CFAP95: variants seen among roughly 807,000 people sequenced by gnomAD.
The protein encoded by CFAP95 is cilia- and flagella-associated protein 95.
At chr9:69,897,894 T>C in the CFAP95 span, among the ~76,000 whole-genome samples, 4 of 152,176 alleles carry the variant, frequency 2.6e-5, no homozygotes, top group Non-Finnish European at 5.9e-5. Context: ...TGCCATGATC[T>C]GAGGAAGAAG....
the CFAP95 span, among the ~76,000 whole-genome samples, chr9:69,829,058 G>T: frequency 6.6e-6 from 1 of 152,138 alleles, no homozygotes; most frequent in African/African-American, 2.4e-5. Context: ...TGGGTAAAAA[G>T]GATGATGTTA....
chr9:69,880,327 G>T, the CFAP95 span, among the ~76,000 whole-genome samples: 1 of 151,852 alleles, frequency 6.6e-6, no homozygotes, highest in East Asian at 1.9e-4. Flanking sequence ...CCATCCTCTG[G>T]TAACCATCCT....
At chr9:69,845,287 C>T in the CFAP95 span, among the ~76,000 whole-genome samples, 1 of 152,146 alleles carries the variant, frequency 6.6e-6, no homozygotes, top group Non-Finnish European at 1.5e-5. Flanking sequence ...AAGAGCTCAA[C>T]AACTAGGAGA....
At chr9:69,844,808 A>G in the CFAP95 span, among the ~76,000 whole-genome samples, 2 of 152,188 alleles carry the variant, frequency 1.3e-5, no homozygotes, top group African/African-American at 4.8e-5. Context: ...TCACAAAGTG[A>G]TTGGGCGAAT....
At chr9:69,898,846 A>G in the CFAP95 span, among the ~76,000 whole-genome samples, 1 of 152,190 alleles carries the variant, frequency 6.6e-6, no homozygotes, top group East Asian at 1.9e-4. Flanking sequence ...AAAAATGTCT[A>G]AAATGTGACT....
the CFAP95 span, among the ~76,000 whole-genome samples, chr9:69,863,047 A>C: frequency 6.6e-6 from 1 of 152,262 alleles, no homozygotes; most frequent in Non-Finnish European, 1.5e-5. Flanking sequence ...GGGAACAGTT[A>C]AGATGACACT....
the CFAP95 span, among the ~76,000 whole-genome samples, chr9:69,898,485 A>T: frequency 6.6e-6 from 1 of 152,210 alleles, no homozygotes; most frequent in Admixed American, 6.5e-5. Context: ...AGTTTCAAAA[A>T]TGGCACAAGG....
the CFAP95 span, among the ~76,000 whole-genome samples, chr9:69,823,223 C>A: frequency 3.9e-5 from 6 of 152,162 alleles, no homozygotes; most frequent in African/African-American, 1.4e-4. Flanking sequence ...GCTGATAAAA[C>A]CATCAAATCT....
chr9:69,866,999 G>C, the CFAP95 span, among the ~76,000 whole-genome samples: 2 of 152,142 alleles, frequency 1.3e-5, no homozygotes, highest in Admixed American at 1.3e-4. Flanking sequence ...ATTAATTGCG[G>C]AGTCAACCTA....
chr9:69,900,603 A>G, the CFAP95 span, among the ~76,000 whole-genome samples: 1 of 152,144 alleles, frequency 6.6e-6, no homozygotes, highest in African/African-American at 2.4e-5. Context: ...ATTCCCATAG[A>G]CACTGTACAC....
chr9:69,880,319 A>C, the CFAP95 span, among the ~76,000 whole-genome samples: 2 of 151,942 alleles, frequency 1.3e-5, no homozygotes, highest in East Asian at 3.9e-4. Context: ...TATCCTTCCC[A>C]TCCTCTGGTA....
the CFAP95 span, among the ~76,000 whole-genome samples, chr9:69,826,983 A>G: frequency 1.3e-5 from 2 of 152,206 alleles, no homozygotes; most frequent in African/African-American, 4.8e-5. Context: ...CATGCTCTTG[A>G]TGCAATAGCA....
chr9:69,839,996 G>A, the CFAP95 span, among the ~76,000 whole-genome samples: 1 of 151,402 alleles, frequency 6.6e-6, no homozygotes, highest in Non-Finnish European at 1.5e-5. Flanking sequence ...AGAATCGCTT[G>A]AACCCAGGAG....
At chr9:69,873,292 C>G in the CFAP95 span, among the ~76,000 whole-genome samples, 4 of 151,996 alleles carry the variant, frequency 2.6e-5, no homozygotes, top group African/African-American at 7.3e-5. Flanking sequence ...ATCCTGTCTC[C>G]AATAAATAAG....
the CFAP95 span, among the ~76,000 whole-genome samples, chr9:69,869,754 C>T: frequency 2.6e-5 from 4 of 151,780 alleles, no homozygotes; most frequent in South Asian, 8.3e-4. Flanking sequence ...AAAAAAAACC[C>T]CAAATTGAGT....
chr9:69,820,955 T>G, the CFAP95 span: 1 of 1,614,070 alleles, frequency 6.2e-7, no homozygotes, highest in African/African-American at 1.3e-5. Context: ...ACCACCGGAC[T>G]TGGTGGAGCG....
the CFAP95 span, among the ~76,000 whole-genome samples, chr9:69,870,824 G>A: frequency 6.6e-6 from 1 of 152,172 alleles, no homozygotes; most frequent in Non-Finnish European, 1.5e-5. Context: ...AAAGGCTTCT[G>A]GGTAGAAGCG....
the CFAP95 span, chr9:69,820,858 G>T: frequency 6.2e-7 from 1 of 1,612,736 alleles, no homozygotes; most frequent in Non-Finnish European, 8.5e-7. Flanking sequence ...ACTCCTCAGA[G>T]GTCTGTACCT....
chr9:69,863,823 A>G, the CFAP95 span, among the ~76,000 whole-genome samples: 2 of 152,202 alleles, frequency 1.3e-5, no homozygotes, highest in African/African-American at 4.8e-5. Context: ...ATTTAAATAT[A>G]CACATAGAGT....
Sources: allele counts gnomAD v4.1 joint callset (sites outside exome capture counted in the v4.1 genomes callset), GRCh38; gene constraint gnomAD v4.1.1; transcripts MANE v1.5; gene names NCBI Gene and HGNC (gene_info 2026-07-23, HGNC 2026-07-21).